GLB1L2: variants seen among roughly 807,000 people sequenced by gnomAD.
GLB1L2 encodes the protein beta-galactosidase-1-like protein 2.
A neutral mutation model predicts 84.1 loss-of-function variants in GLB1L2; 68 were observed. The ratio of observed to expected loss-of-function variants is 0.81; its 90% CI spans 0.67 to 0.99. The LOEUF is 0.99. Ranked by LOEUF, GLB1L2 falls within the 50% of genes least tolerant of loss-of-function variation. GLB1L2 has a pLI of 0.00. For synonymous variants in GLB1L2, 290 were observed against 318.0 expected, an observed-to-expected ratio of 0.91 and a Z score of 0.94; for missense variants, 762 against 805.6, an observed-to-expected ratio of 0.95 and a Z score of 0.66.
At chr11:134,374,568 G>C (rs750137436) in intron 17 of GLB1L2, 34 bp from the exon 18 acceptor site, 5 of 1,533,132 alleles carry the variant, frequency 3.3e-6, no homozygotes, top group Non-Finnish European at 3.6e-6. Context: ...TGTGGCTCTC[G>C]TGGTAGATGA....
intron 6 of GLB1L2, among the ~76,000 whole-genome samples, chr11:134,358,435 C>T (rs181681849): frequency 3.3e-5 from 5 of 152,388 alleles, no homozygotes; most frequent in East Asian, 3.9e-4. Context: ...TGTCAGGGGA[C>T]GCTCTGAGTG....
chr11:134,336,789 AT>A (rs1353516782), intron 1 of GLB1L2, among the ~76,000 whole-genome samples: 17 of 152,188 alleles, frequency 1.1e-4, no homozygotes, highest in African/African-American at 4.1e-4. Flanking sequence ...GTTTTTCCGT[AT>A]TTGTGATATC....
intron 2 of GLB1L2, among the ~76,000 whole-genome samples, chr11:134,344,173 T>C (rs927923123): frequency 1.3e-5 from 2 of 152,256 alleles, no homozygotes; most frequent in Admixed American, 1.3e-4. Context: ...GCCGGTCTTA[T>C]GCTTCATCCA....
At chr11:134,352,651 T>G (rs1189914623) in intron 5 of GLB1L2, among the ~76,000 whole-genome samples, 2 of 139,786 alleles carry the variant, frequency 1.4e-5, no homozygotes, top group Non-Finnish European at 3.0e-5. Flanking sequence ...TATGTCTTCT[T>G]TTTTTTTTTT....
At chr11:134,343,731 C>A (rs1943504209) in intron 2 of GLB1L2, among the ~76,000 whole-genome samples, 1 of 152,214 alleles carries the variant, frequency 6.6e-6, no homozygotes, top group African/African-American at 2.4e-5. Flanking sequence ...GCTCAGCACT[C>A]TGACTCGCAG....
At chr11:134,373,009 G>C (rs967741651) in intron 15 of GLB1L2, among the ~76,000 whole-genome samples, 2 of 152,200 alleles carry the variant, frequency 1.3e-5, no homozygotes, top group African/African-American at 4.8e-5. Flanking sequence ...GTGGAGTCCT[G>C]TCCTCTGGAT....
At chr11:134,332,721 C>T (rs1444893936) in intron 1 of GLB1L2, among the ~76,000 whole-genome samples, 1 of 152,206 alleles carries the variant, frequency 6.6e-6, no homozygotes, top group African/African-American at 2.4e-5. Context: ...TCTCTCTCCA[C>T]TTTCCCACCA....
chr11:134,345,502 G>C (rs1468510627), intron 4 of GLB1L2, among the ~76,000 whole-genome samples: 1 of 152,144 alleles, frequency 6.6e-6, no homozygotes, highest in African/African-American at 2.4e-5. Context: ...ACAGAGTCTT[G>C]CTCTGGCACT....
chr11:134,360,008 C>CT (rs1476011169), intron 7 of GLB1L2: 1 of 152,368 alleles, frequency 6.6e-6, no homozygotes, highest in African/African-American at 2.4e-5. Flanking sequence ...TCTTTTCGCC[C>CT]TCTCACCTTC....
chr11:134,371,915 G>A lies in GLB1L2; in HGVS notation c.1507+85G>A, dbSNP rs1591626014. The A allele has an allele frequency of 9.2e-6, 12 of 1,300,940 alleles. No homozygotes were observed. In the East Asian group the frequency reaches 2.5e-4, roughly 27 times the overall value. The allele number at this position is 1,300,940 out of a possible 1,614,324, so 80.6% of individuals were successfully genotyped here. A position where few individuals can be genotyped will look rare whatever the true frequency, so the allele number is the denominator to read the frequency against. ...CTTCTCTATGCTAGCAGGCCACCAG[G>A]CCATGGAGGCCTCTTGCAGGGAGGT... On this transcript the variant is annotated intron_variant, in intron 15 of 18. Coordinates refer to ENST00000535456, the MANE Select transcript of GLB1L2 (RefSeq NM_001370461.1).
chr11:134,342,007 C>G (rs925575297), intron 1 of GLB1L2, among the ~76,000 whole-genome samples: 6 of 119,088 alleles, frequency 5.0e-5, no homozygotes, highest in African/African-American at 2.0e-4. Flanking sequence ...TGTTTCATGC[C>G]TCCAGCTTTC....
chr11:134,354,550 A>G (rs551825168), intron 5 of GLB1L2, among the ~76,000 whole-genome samples: 23 of 150,926 alleles, frequency 1.5e-4, no homozygotes, highest in African/African-American at 4.1e-4. Context: ...TTTTCTAGGG[A>G]AGGTCTAGTG....
At position 134,339,977 on chromosome 11, in the gene GLB1L2, G is replaced by A. The variant is rs1943439164; in HGVS notation, c.87-2777G>A. On this transcript the variant is annotated intron_variant, in intron 1 of 18. Transcript: ENST00000535456. This position sits in a 1 kb window ranked among gnomAD's most constrained non-coding sequence, Gnocchi z 5.7. ...CCACACCTGGAGAAGTCAGCCTAGAGGGAGGTTTCCTGATCCTTAGTCATC... is the reference window on the plus strand; with the variant it reads ...CCACACCTGGAGAAGTCAGCCTAGAAGGAGGTTTCCTGATCCTTAGTCATC... 2.0e-5 allele frequency among the ~76,000 whole-genome samples: 3 copies of A among 152,112 alleles called. 1 individual carries two copies. In the South Asian group the frequency reaches 6.2e-4, roughly 32 times the overall value.
intron 16 of GLB1L2, 103 bp from the exon 17 acceptor site, chr11:134,374,042 G>A (rs965790405): frequency 7.0e-6 from 6 of 859,270 alleles, no homozygotes; most frequent in Admixed American, 1.9e-5. Context: ...AGAGGCGGGG[G>A]GCCTTGGATG....
chr11:134,353,269 G>A (rs1373326035), intron 5 of GLB1L2, among the ~76,000 whole-genome samples: 1 of 152,054 alleles, frequency 6.6e-6, no homozygotes, highest in Non-Finnish European at 1.5e-5. Flanking sequence ...AATTAGCCAG[G>A]TGTGGTGACG....
intron 4 of GLB1L2, among the ~76,000 whole-genome samples, 190 bp downstream of exon 4, chr11:134,345,319 C>T (rs75552486): frequency 6.6e-6 from 1 of 152,220 alleles, no homozygotes; most frequent in South Asian, 2.1e-4. Flanking sequence ...AGTGAGTGCC[C>T]TCACGTAGCC....
intron 3 of GLB1L2, 91 bp downstream of exon 3, chr11:134,344,546 G>A: frequency 2.8e-6 from 4 of 1,413,114 alleles, no homozygotes; most frequent in Non-Finnish European, 3.0e-6. Flanking sequence ...GAACCAGGGA[G>A]GGACGTGGGT....
rs367793087 is a variant in GLB1L2, at chr11:134,370,262, G to A, written c.1109-31G>A. ...CGAGCAGGCAGTGACATTTGGGTCC[G>A]TTGGGGGTGACCCTGTTTTCTGTGT... On this transcript the variant is annotated intron_variant, in intron 11 of 18. Transcript: ENST00000535456. The surrounding 1 kb of genome is among the most constrained non-coding windows in gnomAD (Gnocchi z 4.7). 8.6e-5 allele frequency: 137 copies of A among 1,588,488 alleles called. No individual in the cohort carries two copies. The highest frequency in any genetic ancestry group is 1.1e-4 in the East Asian group (5 of 44,730).
Position 134,364,422 on chromosome 11 carries a change from G to T in GLB1L2, c.804+24G>T, listed in dbSNP as rs200378528. 1.0e-5 allele frequency: 16 copies of T among 1,591,860 alleles called. No homozygotes were observed. In the East Asian group the frequency reaches 3.6e-4, roughly 36 times the overall value. On this transcript the variant is annotated intron_variant, in intron 8 of 18. Transcript: ENST00000535456. The stretch of plus-strand genomic sequence containing the variant: ...AGGTAAGTCCAGCCCCAGGGAAGCT[G>T]CGGCCCGCCCTGCTCAGCGGCCTAT...
Sources: gnomAD v4.1 joint callset for allele counts (sites outside exome capture counted in the v4.1 genomes callset) on GRCh38, gnomAD v4.1.1 for gene constraint, Gnocchi (gnomAD v3.1) non-coding constraint, MANE v1.5 for transcripts, NCBI Gene and HGNC (gene_info 2026-07-23, HGNC 2026-07-21) for gene names.